The following DSE variants were observed in gnomAD, a reference collection of about 807,000 sequenced individuals.
DSE encodes dermatan-sulfate epimerase.
Under a neutral mutation model 84.4 loss-of-function variants are expected in DSE, and 36 were observed. The observed-to-expected ratio is 0.43, with a 90% CI of 0.33 to 0.56. DSE has a LOEUF of 0.56. Ranked by LOEUF, DSE falls within the 20% of genes least tolerant of loss-of-function variation. DSE has a pLI of 0.06. For synonymous variants in DSE, 410 were observed against 430.1 expected (o/e 0.95, Z 0.58); for missense variants, 862 against 1,169.6 (o/e 0.74, Z 3.84).
At chr6:116,309,003 A>C (rs1775509471) in intron 2 of DSE, among the ~76,000 whole-genome samples, 1 of 152,242 alleles carries the variant, frequency 6.6e-6, no homozygotes, top group African/African-American at 2.4e-5. Flanking sequence ...CTTATGGTTA[A>C]TGTTTTTTAA....
At chr6:116,359,635 T>G (rs1004741924) in intron 2 of DSE, among the ~76,000 whole-genome samples, 1 of 152,226 alleles carries the variant, frequency 6.6e-6, no homozygotes. Context: ...AAAGTTAGTA[T>G]TATTCTTTCA....
intron 2 of DSE, among the ~76,000 whole-genome samples, chr6:116,291,097 G>A (rs1482880249): frequency 6.6e-5 from 10 of 152,094 alleles, no homozygotes; most frequent in Non-Finnish European, 1.5e-4. Context: ...TTGTGGGATG[G>A]CATACAAAAA....
chr6:116,437,194 T>G lies in DSE; in HGVS notation c.2726T>G (p.Ile909Ser). 1 of 1,614,150 alleles carries G rather than the reference T, an allele frequency of 6.2e-7. No homozygotes were observed. Among genetic ancestry groups the G allele is most frequent in the Non-Finnish European group, 8.5e-7 (1 of 1,179,996 alleles). ...ACCAGGTTGTTCCTGATTCTGAACA[T>G]TGCTATTTTCTTTGTCATGTTGGCA... is the stretch of plus-strand genomic sequence containing the variant. ...SYTRLFLILN[I>S]AIFFVMLAMQ... The change falls in exon 6 of 6, where the codon ATT becomes AGT. Residue 909 changes from isoleucine to serine, a missense_variant. Ile to Ser is a moderately radical substitution (Grantham distance 142). This residue lies in a region of DSE where 315 missense variants were observed against 348.1 expected (regional missense o/e 0.90). Transcript: ENST00000644252.
At chr6:116,292,540 GA>G (rs1165231473) in intron 2 of DSE, among the ~76,000 whole-genome samples, 1 of 152,092 alleles carries the variant, frequency 6.6e-6, no homozygotes, top group Non-Finnish European at 1.5e-5. Flanking sequence ...TGTCAGTATA[GA>G]AAAGGGGAAA....
At position 116,436,720 on chromosome 6, in the gene DSE, C is replaced by T; in HGVS notation, c.2252C>T (p.Pro751Leu). The change falls in exon 6 of 6, where the codon CCA becomes CTA. Residue 751 changes from proline (P) to leucine (L), a missense_variant. Pro to Leu is a moderately conservative substitution (Grantham distance 98). Around this residue, in one of 4 missense-constraint regions of DSE, gnomAD observed 315 missense variants for 348.1 expected, o/e 0.90. Coordinates refer to ENST00000644252, the MANE Select transcript of DSE (RefSeq NM_013352.4). ...IVEQNLQHFKPVFQLLEKQIL... is the reference protein window; with the variant it reads ...IVEQNLQHFKLVFQLLEKQIL... ...GAACAGAACTTGCAGCATTTTAAAC[C>T]AGTGTTTCAGCTGCTGGAGAAGCAG... The T allele has an allele frequency of 6.2e-7, 1 of 1,614,144 alleles. No individual in the cohort carries two copies. Among genetic ancestry groups the T allele is most frequent in the Non-Finnish European group, 8.5e-7 (1 of 1,180,020 alleles).
intron 1 of DSE, among the ~76,000 whole-genome samples, chr6:116,372,034 T>G (rs1254839748): frequency 6.6e-6 from 1 of 152,256 alleles, no homozygotes; most frequent in Non-Finnish European, 1.5e-5. Context: ...AAGTTCTTTT[T>G]AAAAATTTTT....
chr6:116,426,429 G>A, intron 2 of DSE, 145 bp from the exon 3 acceptor site: 1 of 1,014,336 alleles, frequency 9.9e-7, no homozygotes, highest in Non-Finnish European at 1.4e-6. Context: ...TGTTTCTAAT[G>A]TGGAGGGAAG....
Position 116,437,353 on chromosome 6 carries a change from G to A in DSE, c.*8G>A, listed in dbSNP as rs755697814. 9 of 1,564,614 alleles carry A rather than the reference G, an allele frequency of 5.8e-6. No individual in the cohort carries two copies. The Admixed American group carries it at 7.8e-5, about 14-fold the overall frequency. On this transcript the variant is annotated 3_prime_UTR_variant, in exon 6 of 6. Coordinates refer to ENST00000644252, the MANE Select transcript of DSE (RefSeq NM_013352.4). The stretch of plus-strand genomic sequence containing the variant: ...TCCCAATCACAGTGTTAGCACTGAA[G>A]CTATAAATTACCTGGTCATTTTGTG...
At chr6:116,390,202 G>A (rs1053132982) in intron 1 of DSE, among the ~76,000 whole-genome samples, 1 of 151,822 alleles carries the variant, frequency 6.6e-6, no homozygotes, top group Non-Finnish European at 1.5e-5. Flanking sequence ...CAAGTAGCTG[G>A]GACCCCAGGT....
At chr6:116,372,656 C>T (rs1049268672) in intron 1 of DSE, among the ~76,000 whole-genome samples, 10 of 152,100 alleles carry the variant, frequency 6.6e-5, no homozygotes, top group Non-Finnish European at 1.3e-4. Flanking sequence ...CTTCCTTTGA[C>T]GGTCACGATA....
At chr6:116,279,956 G>A (rs1369329433) in intron 2 of DSE, 1 of 1,380,488 alleles carries the variant, frequency 7.2e-7, no homozygotes, top group Non-Finnish European at 1.0e-6. Flanking sequence ...GTGTCGTCAG[G>A]ACTGGAGATC....
chr6:116,350,030 T>C (rs1778218933), intron 2 of DSE, among the ~76,000 whole-genome samples: 1 of 152,208 alleles, frequency 6.6e-6, no homozygotes, highest in African/African-American at 2.4e-5. Context: ...GCATAGTCTT[T>C]TTAAAAAAAT....
At chr6:116,304,191 A>T (rs965110253) in intron 2 of DSE, among the ~76,000 whole-genome samples, 1 of 152,114 alleles carries the variant, frequency 6.6e-6, no homozygotes, top group Admixed American at 6.5e-5. Flanking sequence ...AGGTCTCCTT[A>T]GTAGTTCCAG....
intron 2 of DSE, among the ~76,000 whole-genome samples, chr6:116,319,333 G>C (rs73548949): frequency 0.018 from 2,753 of 152,270 alleles, 32 homozygotes; most frequent in African/African-American, 0.033. Context: ...CATATTTACT[G>C]TAAGCACGGG....
intron 2 of DSE, among the ~76,000 whole-genome samples, chr6:116,290,073 C>A (rs923832993): frequency 2.6e-5 from 4 of 151,926 alleles, no homozygotes; most frequent in African/African-American, 9.7e-5. Flanking sequence ...TTAAGAAATC[C>A]CAGAGATATC....
intron 1 of DSE, among the ~76,000 whole-genome samples, chr6:116,389,954 T>TAA (rs199611102): frequency 2.0e-5 from 3 of 148,876 alleles, no homozygotes; most frequent in African/African-American, 2.5e-5. Flanking sequence ...CTACAGTTTT[T>TAA]TAAAAAAAAA....
chr6:116,381,224 A>G (rs776516958), intron 1 of DSE, among the ~76,000 whole-genome samples: 3 of 152,076 alleles, frequency 2.0e-5, no homozygotes, highest in Admixed American at 1.3e-4. Flanking sequence ...ACCACGTTGG[A>G]TGTGGAGCAG....
rs750118110 is a variant in DSE, at chr6:116,258,757, C to T, written c.-264C>T. ...AATGCGTGTGGAGTCCTCCCGGGGA[C>T]CACTGTTGATGATGGCGTTCACCAG... On this transcript the variant is annotated 5_prime_UTR_variant, in exon 2 of 4. Transcript: ENST00000430252. 22 of 1,609,806 alleles carry T rather than the reference C, an allele frequency of 1.4e-5. No homozygotes were observed. The South Asian group carries it at 2.4e-4, about 18-fold the overall frequency.
At chr6:116,277,090 A>G (rs1230558545) in intron 2 of DSE, 1 of 152,416 alleles carries the variant, frequency 6.6e-6, no homozygotes, top group Non-Finnish European at 1.5e-5. Flanking sequence ...AATGTTCCCA[A>G]TTGAAATCAA....
Sources: allele counts gnomAD v4.1 joint callset (sites outside exome capture counted in the v4.1 genomes callset), GRCh38; gene constraint gnomAD v4.1.1; regional missense constraint gnomAD v4.1.1; transcripts MANE v1.5; gene names NCBI Gene and HGNC (gene_info 2026-07-23, HGNC 2026-07-21).